Variants in ZCCHC2 observed in about 807,000 individuals in gnomAD.
ZCCHC2 encodes zinc finger CCHC domain-containing protein 2.
In ZCCHC2, 39 loss-of-function variants were observed where a neutral mutation model predicts 103.6. That is an observed-to-expected ratio of 0.38 (90% confidence interval 0.29 to 0.49). ZCCHC2 has a LOEUF of 0.49. ZCCHC2 is among the 20% of genes least tolerant of loss of function. ZCCHC2 has a pLI of 0.96. For missense variants in ZCCHC2, 1,483 were observed against 1,491.0 expected, an observed-to-expected ratio of 0.99 and a Z score of 0.09; for synonymous variants, 687 against 608.9, an observed-to-expected ratio of 1.13 and a Z score of -1.89.
chr18:62,577,340 A>G lies in ZCCHC2; in HGVS notation c.*761A>G, dbSNP rs561372059. On this transcript the variant is annotated 3_prime_UTR_variant, in exon 14 of 14. Transcript: ENST00000269499. ...CTGAAACCAACTTTTTACTTCCATC[A>G]TCCTTTTTTAGCCTGTTGCTTCAGA... 1 of 152,374 alleles carries G rather than the reference A, an allele frequency of 6.6e-6. No homozygotes were observed. The highest frequency in any genetic ancestry group is 1.9e-4 in the East Asian group (1 of 5,192). The allele number at this position is 152,374 out of a possible 1,614,324, so 9.4% of individuals were successfully genotyped here.
At chr18:62,556,141 C>A in intron 5 of ZCCHC2, 62 bp from the exon 6 acceptor site, 1 of 1,353,164 alleles carries the variant, frequency 7.4e-7, no homozygotes, top group Non-Finnish European at 1.0e-6. Context: ...ATAATTGAAA[C>A]TGAGCTTCTT....
downstream of ZCCHC2, among the ~76,000 whole-genome samples, chr18:62,579,402 T>C (rs1240465931): frequency 6.6e-6 from 1 of 152,196 alleles, no homozygotes; most frequent in Non-Finnish European, 1.5e-5. Flanking sequence ...GTTGGGGGCC[T>C]GTGTGTGTTG....
At chr18:62,563,450 C>T (rs1163627274) in intron 9 of ZCCHC2, among the ~76,000 whole-genome samples, 5 of 152,032 alleles carry the variant, frequency 3.3e-5, no homozygotes, top group African/African-American at 1.2e-4. Flanking sequence ...CTTGAGGCCA[C>T]CCATTTGACC....
chr18:62,575,574 A>G lies in ZCCHC2; in HGVS notation c.3469+24A>G, dbSNP rs774622821. 2.5e-5 allele frequency: 40 copies of G among 1,596,012 alleles called. 1 individual carries two copies. Among genetic ancestry groups the G allele is most frequent in the Non-Finnish European group, 5.1e-6 (6 of 1,168,226 alleles). On this transcript the variant is annotated intron_variant, in intron 13 of 13. Transcript: ENST00000269499. ...AGGTAATCACAATAACTCCCAGAGG[A>G]CTTGTTTTTGAGTTCACTCATTTCT...
chr18:62,583,435 C>G (rs1257909182), downstream of ZCCHC2, among the ~76,000 whole-genome samples: 1 of 152,102 alleles, frequency 6.6e-6, no homozygotes, highest in African/African-American at 2.4e-5. Context: ...TCAAATTTTT[C>G]TGAAAAGGTT....
In ZCCHC2 at chr18:62,542,477, CGT is replaced by C; in HGVS notation, c.1052-16_1052-15del. On this transcript the variant is annotated intron_variant, in intron 2 of 13. Transcript: ENST00000269499. The stretch of plus-strand genomic sequence containing the variant: ...CTATAGTCTTTGTAGCACAAGTCAC[CGT>C]GTGTTTTTTTTCTTTCAGCTGTACA... 6.5e-7 allele frequency: 1 copy of C among 1,547,166 alleles called. No homozygotes were observed. Among genetic ancestry groups the C allele is most frequent in the Non-Finnish European group, 8.8e-7 (1 of 1,142,714 alleles).
intron 4 of ZCCHC2, among the ~76,000 whole-genome samples, chr18:62,548,884 C>T (rs768836663): frequency 3.9e-5 from 6 of 151,956 alleles, no homozygotes; most frequent in Non-Finnish European, 8.8e-5. Context: ...GAGATCATGC[C>T]ACTGCACTCC....
At position 62,574,910 on chromosome 18, in the gene ZCCHC2, C is replaced by G; in HGVS notation, c.2829C>G (p.Pro943=). The change falls in exon 13 of 14, where the codon CCC becomes CCG. Residue 943 remains proline, a synonymous_variant. Coordinates refer to ENST00000269499, the MANE Select transcript of ZCCHC2 (RefSeq NM_017742.6). ...TGCTCAGCACAGCAGCAACTTCTCC[C>G]CAGCCAGCGAGCGCAGGTATCAGCC... The part of the protein sequence containing the change: ...SSVLSTAATS[P]QPASAGISQA... The G allele has an allele frequency of 1.2e-6, 2 of 1,613,888 alleles. No homozygotes were observed. Among genetic ancestry groups the G allele is most frequent in the Non-Finnish European group, 1.7e-6 (2 of 1,179,888 alleles).
chr18:62,567,347 A>G (rs2145527164), intron 11 of ZCCHC2, among the ~76,000 whole-genome samples: 1 of 152,376 alleles, frequency 6.6e-6, no homozygotes, highest in Admixed American at 6.5e-5. Context: ...CTTTCTGATT[A>G]GCAGGTTGTT....
chr18:62,560,395 G>A, intron 7 of ZCCHC2, 192 bp from the exon 8 acceptor site: 1 of 424,436 alleles, frequency 2.4e-6, no homozygotes, highest in Non-Finnish European at 4.2e-6. Context: ...ACATTTGAGA[G>A]AACATAAAAG....
chr18:62,568,453 C>T lies in ZCCHC2; in HGVS notation c.1847-1650C>T, dbSNP rs187527803. On this transcript the variant is annotated intron_variant, in intron 11 of 13. Coordinates refer to ENST00000269499, the MANE Select transcript of ZCCHC2 (RefSeq NM_017742.6). ...AATTCTGAAGTACCTTCTGAATTAT[C>T]AAAAAAAAGTTACGTTAGTATAGAT... is the stretch of plus-strand genomic sequence containing the variant. Among the ~76,000 whole-genome samples, 169 of 151,804 alleles carry T rather than the reference C, an allele frequency of 1.1e-3. 2 individuals are homozygous for T. Among genetic ancestry groups the T allele is most frequent in the African/African-American group, 3.5e-3 (143 of 41,446 alleles).
At chr18:62,533,387 G>T (rs536513044) in intron 1 of ZCCHC2, among the ~76,000 whole-genome samples, 1 of 151,086 alleles carries the variant, frequency 6.6e-6, no homozygotes, top group Admixed American at 6.6e-5. Flanking sequence ...TTAGTCGGGC[G>T]TGTAGTGGGC....
chr18:62,574,115 C>T lies in ZCCHC2; in HGVS notation c.2034C>T (p.Tyr678=), dbSNP rs770377240. The stretch of plus-strand genomic sequence containing the variant: ...CATCAACAACTAGGTTTACAGGTTA[C>T]GGTTCTGTCAACCAGACTGTCACTG... ...GNPSTTRFTG[Y]GSVNQTVTVK... The change falls in exon 13 of 14, where the codon TAC becomes TAT. Residue 678 remains tyrosine, a synonymous_variant. Transcript: ENST00000269499. 47 of 1,613,988 alleles carry T rather than the reference C, an allele frequency of 2.9e-5. 1 individual carries two copies. Among genetic ancestry groups the T allele is most frequent in the Middle Eastern group, 3.3e-4 (2 of 6,062 alleles).
intron 4 of ZCCHC2, among the ~76,000 whole-genome samples, chr18:62,548,522 G>A (rs1915517610): frequency 6.6e-6 from 1 of 152,168 alleles, no homozygotes; most frequent in Non-Finnish European, 1.5e-5. Context: ...CAGATATTCA[G>A]TATAAATTGT....
rs1820263490 is a variant in ZCCHC2 at position 62,524,303 on chromosome 18, G to A, written c.879G>A (p.Gly293=). The A allele has an allele frequency of 6.5e-7, 1 of 1,548,672 alleles. No homozygotes were observed. Among genetic ancestry groups the A allele is most frequent in the Non-Finnish European group, 8.7e-7 (1 of 1,146,322 alleles). Reference sequence around the variant, plus strand: ...AGAGGCTCCGCGCCGCGCTCCGCGGGGGCCCCGAGGACGCGGAGGTGGAGG... The same window carrying A: ...AGAGGCTCCGCGCCGCGCTCCGCGGAGGCCCCGAGGACGCGGAGGTGGAGG... ...HLERLRAALR[G]GPEDAEVEVE... The change falls in exon 1 of 14, where the codon GGG becomes GGA. Residue 293 remains glycine (G), a synonymous_variant. Transcript: ENST00000269499.
At chr18:62,527,197 T>C (rs1914465465) in intron 1 of ZCCHC2, among the ~76,000 whole-genome samples, 1 of 152,172 alleles carries the variant, frequency 6.6e-6, no homozygotes, top group Non-Finnish European at 1.5e-5. Context: ...AGTAAGGGTA[T>C]ACTGGCCCAG....
chr18:62,546,838 C>T lies in ZCCHC2; in HGVS notation c.1200+1965C>T, dbSNP rs1228018702. On this transcript the variant is annotated intron_variant, in intron 4 of 13. Transcript: ENST00000269499. ...AAATAAGTAATTCACTCTTCAGAATCATAGCAATTGATGAACACCCTGCTT... is the reference window on the plus strand; with the variant it reads ...AAATAAGTAATTCACTCTTCAGAATTATAGCAATTGATGAACACCCTGCTT... 3.9e-5 allele frequency among the ~76,000 whole-genome samples: 6 copies of T among 152,346 alleles called. No individual in the cohort carries two copies. The East Asian group carries it at 1.2e-3, about 29-fold the overall frequency.
At chr18:62,524,399 G>T (rs527595444) in intron 1 of ZCCHC2, 36 bp downstream of exon 1, 1 of 1,435,706 alleles carries the variant, frequency 7.0e-7, no homozygotes, top group Non-Finnish European at 9.1e-7. Context: ...CTCGCGGTGC[G>T]ATCGCTGCCC....
Position 62,539,687 on chromosome 18 carries a change from T to G in ZCCHC2, c.946T>G (p.Ser316Ala). 1 of 1,588,106 alleles carries G rather than the reference T, an allele frequency of 6.3e-7. No individual in the cohort carries two copies. Among genetic ancestry groups the G allele is most frequent in the Non-Finnish European group, 8.6e-7 (1 of 1,166,386 alleles). The stretch of plus-strand genomic sequence containing the variant: ...CTCCCTCTTTCTCATCTAGAACAAC[T>G]CTGCTCATGGTGATTACATGCAAAA... ...KFAGPRAQNN[S>A]AHGDYMQNNE... The change falls in exon 2 of 14, where the codon TCT becomes GCT. Residue 316 changes from serine to alanine, a missense_variant. Around this residue, in one of 3 missense-constraint regions of ZCCHC2, gnomAD observed 568 missense variants for 525.1 expected, o/e 1.08. Coordinates refer to ENST00000269499, the MANE Select transcript of ZCCHC2 (RefSeq NM_017742.6).
Sources: gnomAD v4.1 joint callset for allele counts (sites outside exome capture counted in the v4.1 genomes callset) on GRCh38, gnomAD v4.1.1 for gene constraint, gnomAD v4.1.1 regional missense constraint, MANE v1.5 for transcripts, NCBI Gene and HGNC (gene_info 2026-07-23, HGNC 2026-07-21) for gene names.